UBE2G1: variants seen among roughly 807,000 people sequenced by gnomAD.
The protein encoded by UBE2G1 is ubiquitin conjugating enzyme E2 G1.
In UBE2G1, 5 loss-of-function variants were observed where a neutral mutation model predicts 22.7. The observed-to-expected ratio is 0.22, with a 90% CI of 0.12 to 0.46. UBE2G1 has a LOEUF of 0.46. Ranked by LOEUF, UBE2G1 falls within the 20% of genes least tolerant of loss-of-function variation. The pLI is 0.99. For missense variants in UBE2G1, 88 were observed against 203.9 expected (o/e 0.43, Z 3.46); for synonymous variants, 74 against 67.5 (o/e 1.10, Z -0.47).
At chr17:4,354,689 C>T (rs549228126) in intron 1 of UBE2G1, among the ~76,000 whole-genome samples, 16 of 152,218 alleles carry the variant, frequency 1.1e-4, no homozygotes, top group Non-Finnish European at 1.6e-4. Context: ...AGATTTGACA[C>T]ATGGTTCAAG....
In UBE2G1 at chr17:4,269,561, A is replaced by G. The variant is rs1268971338; in HGVS notation, c.*2993T>C. The stretch of plus-strand genomic sequence containing the variant: ...GCATATCAAATAAAATCTCACAACC[A>G]AGAATGAAGGCCGTTAAAGATACTG... On this transcript the variant is annotated 3_prime_UTR_variant, in exon 6 of 6. Transcript: ENST00000396981. 11 of 186,172 alleles carry G rather than the reference A, an allele frequency of 5.9e-5. No homozygotes were observed. The highest frequency in any genetic ancestry group is 4.7e-4 in the Admixed American group (11 of 23,630). The allele number at this position is 186,172 out of a possible 1,614,324, so 11.5% of individuals were successfully genotyped here. A position where few individuals can be genotyped will look rare whatever the true frequency, so the allele number is the denominator to read the frequency against.
At chr17:4,304,748 A>G (rs942153200) in intron 2 of UBE2G1, among the ~76,000 whole-genome samples, 1 of 152,070 alleles carries the variant, frequency 6.6e-6, no homozygotes, top group Non-Finnish European at 1.5e-5. Context: ...ATCTGAGCCT[A>G]TACTAATTTA....
At chr17:4,337,209 CG>C (rs1447220186) in intron 1 of UBE2G1, among the ~76,000 whole-genome samples, 1 of 151,724 alleles carries the variant, frequency 6.6e-6, no homozygotes, top group Admixed American at 6.6e-5. Flanking sequence ...GGCATCCTGG[CG>C]CGTGCCTGAA....
At chr17:4,342,025 A>G (rs1009496757) in intron 1 of UBE2G1, among the ~76,000 whole-genome samples, 1 of 152,168 alleles carries the variant, frequency 6.6e-6, no homozygotes, top group African/African-American at 2.4e-5. Flanking sequence ...TCCCTTATTG[A>G]GCCCATCCAA....
chr17:4,286,153 C>T (rs1344551156), intron 4 of UBE2G1, among the ~76,000 whole-genome samples: 3 of 151,950 alleles, frequency 2.0e-5, no homozygotes, highest in South Asian at 2.1e-4. Context: ...ACCTGTAATC[C>T]CAACACTTTG....
At chr17:4,353,472 C>T (rs1337030690) in intron 1 of UBE2G1, among the ~76,000 whole-genome samples, 4 of 151,318 alleles carry the variant, frequency 2.6e-5, no homozygotes, top group African/African-American at 9.7e-5. Flanking sequence ...TACACACACA[C>T]ACACACACAC....
At position 4,270,893 on chromosome 17, in the gene UBE2G1, C is replaced by A. The variant is rs1331868382; in HGVS notation, c.*1661G>T. 1 of 152,182 alleles carries A rather than the reference C, an allele frequency of 6.6e-6. No homozygotes were observed. Among genetic ancestry groups the A allele is most frequent in the Non-Finnish European group, 1.5e-5 (1 of 68,034 alleles). The allele number at this position is 152,182 out of a possible 1,614,324, so 9.4% of individuals were successfully genotyped here. On this transcript the variant is annotated 3_prime_UTR_variant, in exon 6 of 6. Coordinates refer to ENST00000396981, the MANE Select transcript of UBE2G1 (RefSeq NM_003342.5). The stretch of plus-strand genomic sequence containing the variant: ...CATACAACGTTTGTAGAGGTCTGGG[C>A]TCTTGGCAGGAGTTCTTTCACTCTT...
intron 1 of UBE2G1, among the ~76,000 whole-genome samples, chr17:4,353,488 T>C (rs1045437945): frequency 8.8e-5 from 13 of 146,972 alleles, no homozygotes; most frequent in African/African-American, 3.1e-4. Context: ...CACACACATA[T>C]AATGTCACAC....
At chr17:4,354,435 T>C (rs146309951) in intron 1 of UBE2G1, among the ~76,000 whole-genome samples, 329 of 152,228 alleles carry the variant, frequency 2.2e-3, no homozygotes, top group African/African-American at 7.5e-3. Flanking sequence ...CCTCCGAAAT[T>C]ACATACCAAA....
At position 4,271,111 on chromosome 17, in the gene UBE2G1, A is replaced by AT. The variant is rs1307596704; in HGVS notation, c.*1442dup. The AT allele has an allele frequency of 2.6e-5, 4 of 152,246 alleles. No individual in the cohort carries two copies. Among genetic ancestry groups the AT allele is most frequent in the Admixed American group, 2.6e-4 (4 of 15,280 alleles). The allele number at this position is 152,246 out of a possible 1,614,324, so 9.4% of individuals were successfully genotyped here. On this transcript the variant is annotated 3_prime_UTR_variant, in exon 6 of 6. Coordinates refer to ENST00000396981, the MANE Select transcript of UBE2G1 (RefSeq NM_003342.5). ...CCTGCCTTTAACACTGCACATGTTC[A>AT]TTTTACCATTTGCTGAAGTTGTTTT... is the stretch of plus-strand genomic sequence containing the variant.
intron 4 of UBE2G1, among the ~76,000 whole-genome samples, chr17:4,287,308 T>C (rs947520348): frequency 2.6e-5 from 4 of 151,776 alleles, no homozygotes; most frequent in Admixed American, 6.6e-5. Flanking sequence ...GGTTTCACTT[T>C]GGCCAGGCTG....
At chr17:4,335,315 AG>A (rs1969632289) in intron 1 of UBE2G1, 2 of 152,182 alleles carry the variant, frequency 1.3e-5, no homozygotes, top group African/African-American at 4.8e-5. Context: ...CTCAGGCAGA[AG>A]TAGGTCACCT....
At chr17:4,307,819 G>A (rs1237411387) in intron 1 of UBE2G1, among the ~76,000 whole-genome samples, 1 of 152,134 alleles carries the variant, frequency 6.6e-6, no homozygotes, top group African/African-American at 2.4e-5. Context: ...AGAGTGCTGT[G>A]GCATGGAGAA....
At chr17:4,290,711 G>C (rs916509609) in intron 3 of UBE2G1, among the ~76,000 whole-genome samples, 1 of 148,242 alleles carries the variant, frequency 6.7e-6, no homozygotes, top group African/African-American at 2.5e-5. Context: ...AAACTCCTGG[G>C]CTCTAGTGAT....
intron 1 of UBE2G1, among the ~76,000 whole-genome samples, chr17:4,355,934 AG>A (rs1969901305): frequency 6.8e-6 from 1 of 147,552 alleles, no homozygotes; most frequent in Non-Finnish European, 1.5e-5. Flanking sequence ...TCCCAACCTC[AG>A]GTGATCCGCC....
intron 5 of UBE2G1, among the ~76,000 whole-genome samples, chr17:4,277,057 C>G (rs1968829555): frequency 6.6e-6 from 1 of 152,214 alleles, no homozygotes; most frequent in Non-Finnish European, 1.5e-5. Flanking sequence ...ATGACTGCCT[C>G]CCTCAAGGCA....
chr17:4,358,561 T>A (rs1969932981), intron 1 of UBE2G1, among the ~76,000 whole-genome samples: 1 of 152,240 alleles, frequency 6.6e-6, no homozygotes, highest in African/African-American at 2.4e-5. Flanking sequence ...TGTCTTTGCA[T>A]CCTCTTAACA....
At chr17:4,336,538 C>CT (rs1016458133) in intron 1 of UBE2G1, among the ~76,000 whole-genome samples, 20 of 149,280 alleles carry the variant, frequency 1.3e-4, no homozygotes, top group South Asian at 8.5e-4. Flanking sequence ...ACAACAAAAA[C>CT]TTTTTTTTTT....
intron 3 of UBE2G1, among the ~76,000 whole-genome samples, chr17:4,292,331 A>C (rs1458289087): frequency 6.6e-6 from 1 of 150,794 alleles, no homozygotes; most frequent in African/African-American, 2.4e-5. Flanking sequence ...AAAAAAAAAA[A>C]AACCCAAACC....
Sources: allele counts gnomAD v4.1 joint callset (sites outside exome capture counted in the v4.1 genomes callset), GRCh38; gene constraint gnomAD v4.1.1; transcripts MANE v1.5; gene names NCBI Gene and HGNC (gene_info 2026-07-23, HGNC 2026-07-21).